GPM6A: variants seen among roughly 807,000 people sequenced by gnomAD.
GPM6A encodes the protein neuronal membrane glycoprotein M6-a.
Under a neutral mutation model 32.1 loss-of-function variants are expected in GPM6A, and 7 were observed. The observed-to-expected ratio is 0.22, with a 90% confidence interval of 0.12 to 0.41. GPM6A has a LOEUF of 0.41. Ranked by LOEUF, GPM6A falls within the 10% of genes least tolerant of loss-of-function variation. GPM6A has a pLI of 1.00. For synonymous variants in GPM6A, 130 were observed against 123.4 expected, an observed-to-expected ratio of 1.05 and a Z score of -0.35; for missense variants, 235 against 347.2, an observed-to-expected ratio of 0.68 and a Z score of 2.57.
intron 1 of GPM6A, among the ~76,000 whole-genome samples, chr4:175,916,323 CTT>C (rs536043475): frequency 2.0e-4 from 30 of 152,318 alleles, no homozygotes; most frequent in African/African-American, 7.2e-4. Flanking sequence ...CCCTGACTCT[CTT>C]AGCCAAGGGC....
chr4:175,816,186 G>A (rs1217634784), upstream of GPM6A, among the ~76,000 whole-genome samples: 1 of 152,118 alleles, frequency 6.6e-6, no homozygotes, highest in Non-Finnish European at 1.5e-5. Context: ...GTAGGACCCT[G>A]CCTCTAAAAA....
At chr4:175,796,711 C>T (rs1734244705) in intron 1 of GPM6A, among the ~76,000 whole-genome samples, 1 of 152,132 alleles carries the variant, frequency 6.6e-6, no homozygotes, top group Admixed American at 6.5e-5. Flanking sequence ...GTGATATTTA[C>T]ATCTGGGAAT....
intron 3 of GPM6A, among the ~76,000 whole-genome samples, chr4:175,659,590 G>A (rs1433463785): frequency 6.6e-6 from 1 of 152,152 alleles, no homozygotes; most frequent in Non-Finnish European, 1.5e-5. Context: ...TTTACATAAT[G>A]TCTAAAGCCC....
intron 1 of GPM6A, among the ~76,000 whole-genome samples, chr4:175,946,881 T>C (rs903535678): frequency 6.6e-6 from 1 of 152,162 alleles, no homozygotes; most frequent in African/African-American, 2.4e-5. Flanking sequence ...AACCAAAATA[T>C]GCTTATTCAC....
chr4:175,898,847 C>G (rs1737870624), intron 1 of GPM6A, among the ~76,000 whole-genome samples: 1 of 152,180 alleles, frequency 6.6e-6, no homozygotes, highest in African/African-American at 2.4e-5. Context: ...ATTGCTGATG[C>G]TGTCCATGAA....
At chr4:175,638,006 C>G (rs1740912967) in intron 6 of GPM6A, among the ~76,000 whole-genome samples, 1 of 146,456 alleles carries the variant, frequency 6.8e-6, no homozygotes, top group Admixed American at 7.2e-5. Flanking sequence ...AAGGGGAACC[C>G]AAGCTGCAGG....
chr4:175,829,536 C>T (rs1735540843), intron 1 of GPM6A, among the ~76,000 whole-genome samples: 2 of 151,436 alleles, frequency 1.3e-5, no homozygotes, highest in Admixed American at 6.6e-5. Flanking sequence ...GTTTTTCTCA[C>T]TATTTTACTT....
intron 1 of GPM6A, among the ~76,000 whole-genome samples, chr4:175,712,225 C>T (rs544485484): frequency 6.6e-6 from 1 of 152,286 alleles, no homozygotes; most frequent in South Asian, 2.1e-4. Flanking sequence ...GAGTTAAGGG[C>T]ATGAGTCTGT....
intron 1 of GPM6A, among the ~76,000 whole-genome samples, chr4:175,969,444 C>T (rs556081077): frequency 2.0e-5 from 3 of 152,260 alleles, no homozygotes; most frequent in East Asian, 3.9e-4. Flanking sequence ...CAAGGTGGCT[C>T]ATGCCTGTAA....
intron 2 of GPM6A, among the ~76,000 whole-genome samples, chr4:175,683,114 G>A (rs556736198): frequency 5.3e-5 from 8 of 152,344 alleles, no homozygotes; most frequent in Non-Finnish European, 2.9e-5. Context: ...TAGAGATGCT[G>A]AAGGCCTTGA....
intron 1 of GPM6A, among the ~76,000 whole-genome samples, chr4:175,927,569 A>T (rs2111537399): frequency 6.6e-6 from 1 of 152,342 alleles, no homozygotes; most frequent in South Asian, 2.1e-4. Flanking sequence ...AGCTCTACTT[A>T]ATAGAGTACT....
chr4:175,875,082 T>A (rs77352422), intron 1 of GPM6A, among the ~76,000 whole-genome samples: 1,861 of 152,098 alleles, frequency 0.012, 40 homozygotes, highest in African/African-American at 0.042. Context: ...GGCAGAAATG[T>A]GTCCTAAGCT....
At chr4:175,910,356 T>C (rs1050190976) in intron 1 of GPM6A, among the ~76,000 whole-genome samples, 1 of 152,196 alleles carries the variant, frequency 6.6e-6, no homozygotes, top group Non-Finnish European at 1.5e-5. Context: ...ATAAAAGCTT[T>C]GAACCTGCTT....
intron 1 of GPM6A, among the ~76,000 whole-genome samples, chr4:175,890,487 A>AATTTT (rs56214315): frequency 0.18 from 23,142 of 127,518 alleles, 1,941 homozygotes; most frequent in South Asian, 0.32. Flanking sequence ...TGTTTAGAGC[A>AATTTT]ATTTTATTTT....
rs967948184 is a variant in GPM6A at position 175,937,736 on chromosome 4, T to C, written c.-23+64573A>G. Among the ~76,000 whole-genome samples, 7 of 152,234 alleles carry C rather than the reference T, an allele frequency of 4.6e-5. No individual in the cohort carries two copies. In the East Asian group the frequency reaches 1.3e-3, roughly 29 times the overall value. On this transcript the variant is annotated intron_variant, in intron 1 of 7. Transcript: ENST00000280187. The stretch of plus-strand genomic sequence containing the variant: ...ACTTGAATTTTTTAAACAAGTTGCA[T>C]TCACAATGTTGAATTTAAAATTAAT...
intron 1 of GPM6A, among the ~76,000 whole-genome samples, chr4:175,920,200 C>T (rs180943286): frequency 6.6e-6 from 1 of 152,302 alleles, no homozygotes; most frequent in Non-Finnish European, 1.5e-5. Context: ...TTAATTACTA[C>T]TGATATTATT....
chr4:175,839,809 T>C (rs1735881370), intron 1 of GPM6A, among the ~76,000 whole-genome samples: 2 of 152,212 alleles, frequency 1.3e-5, no homozygotes, highest in South Asian at 4.1e-4. Flanking sequence ...AGTTTCTTGA[T>C]GTCTTTATTG....
chr4:175,771,181 C>T (rs1733173677), intron 1 of GPM6A, among the ~76,000 whole-genome samples: 1 of 152,048 alleles, frequency 6.6e-6, no homozygotes, highest in South Asian at 2.1e-4. Context: ...ACCAACCCTG[C>T]AATATGAACA....
chr4:175,868,911 T>A (rs1579581430), intron 1 of GPM6A, among the ~76,000 whole-genome samples: 1 of 152,266 alleles, frequency 6.6e-6, no homozygotes, highest in Non-Finnish European at 1.5e-5. Context: ...GATCTTGTGC[T>A]ATTGATGACT....
Sources: gnomAD v4.1 joint callset for allele counts (sites outside exome capture counted in the v4.1 genomes callset) on GRCh38, gnomAD v4.1.1 for gene constraint, MANE v1.5 for transcripts, NCBI Gene and HGNC (gene_info 2026-07-23, HGNC 2026-07-21) for gene names.